Variants in CAMK4 observed in about 807,000 individuals in gnomAD.
CAMK4 encodes calcium/calmodulin-dependent protein kinase type IV.
A neutral mutation model predicts 44.9 loss-of-function variants in CAMK4; 22 were observed. The observed-to-expected ratio is 0.49, with a 90% CI of 0.35 to 0.70. The LOEUF is 0.70. Ranked by LOEUF, CAMK4 falls within the 30% of genes least tolerant of loss-of-function variation. The pLI is 0.01. For missense variants in CAMK4, 498 were observed against 586.8 expected (o/e 0.85, Z 1.56); for synonymous variants, 218 against 215.4 (o/e 1.01, Z -0.11).
chr5:111,488,438 TAAAA>T lies in CAMK4; in HGVS notation c.*3974_*3977del. On this transcript the variant is annotated 3_prime_UTR_variant, in exon 11 of 11. Transcript: ENST00000282356. ...CTATAGTCATTTTTAGTGGAAGACT[TAAAA>T]AGAAAGGAACAATTTTTACTGTGAC... The T allele has an allele frequency of 6.6e-6, 1 of 152,308 alleles. No individual in the cohort carries two copies. Among genetic ancestry groups the T allele is most frequent in the South Asian group, 2.1e-4 (1 of 4,826 alleles). The allele number at this position is 152,308 out of a possible 1,614,324, so 9.4% of individuals were successfully genotyped here. A position where few individuals can be genotyped will look rare whatever the true frequency, so the allele number is the denominator to read the frequency against.
chr5:111,313,734 T>A (rs1444610755), intron 1 of CAMK4, among the ~76,000 whole-genome samples: 1 of 152,108 alleles, frequency 6.6e-6, no homozygotes, highest in Non-Finnish European at 1.5e-5. Flanking sequence ...ATTTTAATTG[T>A]CAAAGAAAAA....
intron 5 of CAMK4, among the ~76,000 whole-genome samples, chr5:111,425,671 A>T (rs1753200789): frequency 6.6e-6 from 1 of 152,252 alleles, no homozygotes; most frequent in Non-Finnish European, 1.5e-5. Flanking sequence ...GTATTAAAAT[A>T]ATCATTTTGG....
At chr5:111,464,055 C>A (rs192679557) in intron 7 of CAMK4, among the ~76,000 whole-genome samples, 1 of 151,140 alleles carries the variant, frequency 6.6e-6, no homozygotes, top group Non-Finnish European at 1.5e-5. Context: ...CAAGGAGACA[C>A]CAGAGAAAGG....
intron 10 of CAMK4, 104 bp from the exon 11 acceptor site, chr5:111,483,922 C>T (rs934859357): frequency 1.6e-5 from 14 of 848,692 alleles, no homozygotes; most frequent in Admixed American, 8.7e-5. Context: ...AAAACTTTAA[C>T]GCTAACCTAT....
At chr5:111,372,725 G>T (rs1429211920) in intron 2 of CAMK4, among the ~76,000 whole-genome samples, 1 of 152,144 alleles carries the variant, frequency 6.6e-6, no homozygotes, top group Non-Finnish European at 1.5e-5. Context: ...TCTGAATCAT[G>T]CAGAGTAGCT....
chr5:111,334,730 T>C (rs1749325209), intron 1 of CAMK4, among the ~76,000 whole-genome samples: 1 of 151,494 alleles, frequency 6.6e-6, no homozygotes, highest in Non-Finnish European at 1.5e-5. Flanking sequence ...TTTTAAACCT[T>C]TTCCCTAATG....
At chr5:111,246,045 TG>T (rs1224459023) in intron 1 of CAMK4, among the ~76,000 whole-genome samples, 1 of 152,232 alleles carries the variant, frequency 6.6e-6, no homozygotes, top group Non-Finnish European at 1.5e-5. Flanking sequence ...GACTAGGTTT[TG>T]GGACTATATG....
At chr5:111,313,812 C>G (rs1426705076) in intron 1 of CAMK4, among the ~76,000 whole-genome samples, 3 of 152,124 alleles carry the variant, frequency 2.0e-5, no homozygotes, top group African/African-American at 4.8e-5. Context: ...GACATAGCTA[C>G]TTGCTGCTTA....
At chr5:111,413,241 T>TG (rs2112899129) in intron 5 of CAMK4, among the ~76,000 whole-genome samples, 1 of 152,228 alleles carries the variant, frequency 6.6e-6, no homozygotes, top group Non-Finnish European at 1.5e-5. Flanking sequence ...GGATTTTAAA[T>TG]GGGGAAATTG....
intron 7 of CAMK4, among the ~76,000 whole-genome samples, chr5:111,458,987 T>C (rs1754538450): frequency 6.6e-6 from 1 of 152,210 alleles, no homozygotes; most frequent in African/African-American, 2.4e-5. Flanking sequence ...TGGGACTTGT[T>C]AATTTCTACA....
intron 7 of CAMK4, among the ~76,000 whole-genome samples, chr5:111,464,511 G>A (rs1029171584): frequency 1.3e-5 from 2 of 152,102 alleles, no homozygotes; most frequent in African/African-American, 4.8e-5. Context: ...ATTGCATAAA[G>A]ATCAACACCC....
intron 1 of CAMK4, among the ~76,000 whole-genome samples, chr5:111,238,361 G>A (rs547922969): frequency 6.6e-6 from 1 of 152,144 alleles, no homozygotes; most frequent in Non-Finnish European, 1.5e-5. Flanking sequence ...TTAGGTTTAG[G>A]TGAGGTGATG....
At chr5:111,326,643 A>G (rs1336190511) in intron 1 of CAMK4, among the ~76,000 whole-genome samples, 3 of 151,230 alleles carry the variant, frequency 2.0e-5, no homozygotes, top group African/African-American at 7.3e-5. Flanking sequence ...TAGAAAATAT[A>G]TGCTTTGCGT....
chr5:111,490,710 G>A lies in CAMK4; in HGVS notation c.*6244G>A, dbSNP rs1266082582. 5.3e-5 allele frequency: 8 copies of A among 152,160 alleles called. No homozygotes were observed. Among genetic ancestry groups the A allele is most frequent in the Non-Finnish European group, 7.4e-5 (5 of 68,014 alleles). The allele number at this position is 152,160 out of a possible 1,614,324, so 9.4% of individuals were successfully genotyped here. A position where few individuals can be genotyped will look rare whatever the true frequency, so the allele number is the denominator to read the frequency against. Reference sequence around the variant, plus strand: ...TACAGTTAATATGCAGCAGCGTAGAGAACAAATAGCATATTCATAATTTGT... The same window carrying A: ...TACAGTTAATATGCAGCAGCGTAGAAAACAAATAGCATATTCATAATTTGT... On this transcript the variant is annotated 3_prime_UTR_variant, in exon 11 of 11. Coordinates refer to ENST00000282356, the MANE Select transcript of CAMK4 (RefSeq NM_001744.6).
chr5:111,470,402 T>C (rs1040495261), intron 7 of CAMK4, among the ~76,000 whole-genome samples: 1 of 152,262 alleles, frequency 6.6e-6, no homozygotes, highest in Admixed American at 6.5e-5. Flanking sequence ...TCTTGCTGAA[T>C]TGCTGTGTAG....
At chr5:111,354,566 C>T (rs1750250546) in intron 2 of CAMK4, among the ~76,000 whole-genome samples, 1 of 151,472 alleles carries the variant, frequency 6.6e-6, no homozygotes, top group Non-Finnish European at 1.5e-5. Context: ...TTTTATTTCT[C>T]AGTTTTACCA....
chr5:111,459,619 A>T (rs1754562706), intron 7 of CAMK4, among the ~76,000 whole-genome samples: 1 of 152,036 alleles, frequency 6.6e-6, no homozygotes, highest in Non-Finnish European at 1.5e-5. Flanking sequence ...GATAAAATCG[A>T]ATCTCAAGAG....
intron 5 of CAMK4, among the ~76,000 whole-genome samples, chr5:111,426,671 A>G: frequency 6.6e-6 from 1 of 152,194 alleles, no homozygotes; most frequent in East Asian, 1.9e-4. Flanking sequence ...CAGCATGGTA[A>G]GGAGAGCATC....
At chr5:111,438,781 A>T (rs1489276126) in intron 5 of CAMK4, among the ~76,000 whole-genome samples, 3 of 152,216 alleles carry the variant, frequency 2.0e-5, no homozygotes, top group Non-Finnish European at 2.9e-5. Context: ...CTGAGTGCCC[A>T]GCTCCCTTTT....
Sources: gnomAD v4.1 joint callset for allele counts (sites outside exome capture counted in the v4.1 genomes callset) on GRCh38, gnomAD v4.1.1 for gene constraint, MANE v1.5 for transcripts, NCBI Gene and HGNC (gene_info 2026-07-23, HGNC 2026-07-21) for gene names.